SPATA31H1: variants seen among roughly 807,000 people sequenced by gnomAD.
SPATA31H1 encodes the protein spermatogenesis-associated protein 31H1.
chr2:27,545,816 G>T, the SPATA31H1 span, among the ~76,000 whole-genome samples: 1 of 151,724 alleles, frequency 6.6e-6, no homozygotes, highest in Admixed American at 6.6e-5. Flanking sequence ...GCCCCCCTCG[G>T]TCTCCCAAAG....
At chr2:27,565,061 A>G in the SPATA31H1 span, among the ~76,000 whole-genome samples, 1 of 151,998 alleles carries the variant, frequency 6.6e-6, no homozygotes, top group Non-Finnish European at 1.5e-5. Context: ...TCTTCACCTA[A>G]AAGTCTTGTG....
At chr2:27,577,452 A>AC in the SPATA31H1 span, 4 of 1,613,968 alleles carry the variant, frequency 2.5e-6, no homozygotes, top group Non-Finnish European at 3.4e-6. This position sits in a 1 kb window ranked among gnomAD's most constrained non-coding sequence, Gnocchi z 4.5. Context: ...CTTTGGAATG[A>AC]CCCCAAAGCC....
the SPATA31H1 span, chr2:27,571,895 C>T: frequency 7.5e-6 from 3 of 398,248 alleles, no homozygotes; most frequent in African/African-American, 6.2e-5. Context: ...TGGATTTAGC[C>T]CTAAAGCAAC....
chr2:27,581,665 C>T, the SPATA31H1 span: 31 of 1,613,328 alleles, frequency 1.9e-5, 1 homozygote, highest in South Asian at 2.2e-5. Context: ...CGCAGTCCCT[C>T]TCAGAGGAGC....
the SPATA31H1 span, chr2:27,577,965 C>T: frequency 6.2e-7 from 1 of 1,614,030 alleles, no homozygotes; most frequent in Non-Finnish European, 8.5e-7. This position sits in a 1 kb window ranked among gnomAD's most constrained non-coding sequence, Gnocchi z 4.5. Flanking sequence ...AGGGACAACC[C>T]CAGGACCACT....
At chr2:27,582,654 C>CT in the SPATA31H1 span, 3 of 938,504 alleles carry the variant, frequency 3.2e-6, no homozygotes, top group African/African-American at 1.7e-5. Flanking sequence ...CCATTTCTCT[C>CT]TACCGGGGGG....
chr2:27,550,261 C>A, the SPATA31H1 span, among the ~76,000 whole-genome samples: 2 of 149,808 alleles, frequency 1.3e-5, no homozygotes, highest in South Asian at 4.2e-4. Flanking sequence ...TGCAATAATT[C>A]ATCATTTATG....
the SPATA31H1 span, among the ~76,000 whole-genome samples, chr2:27,561,331 A>C: frequency 6.6e-6 from 1 of 152,178 alleles, no homozygotes; most frequent in East Asian, 1.9e-4. Flanking sequence ...CTGTCTCAAA[A>C]CAAAAAACTA....
At chr2:27,543,741 T>G in the SPATA31H1 span, among the ~76,000 whole-genome samples, 1 of 151,678 alleles carries the variant, frequency 6.6e-6, no homozygotes, top group Non-Finnish European at 1.5e-5. Context: ...GTCTCAGGGG[T>G]CTTTGCTAAG....
chr2:27,580,620 A>T, the SPATA31H1 span: 3 of 1,614,108 alleles, frequency 1.9e-6, no homozygotes, highest in East Asian at 6.7e-5. Context: ...ACCCAAGTTC[A>T]TGCAACTGCT....
the SPATA31H1 span, chr2:27,574,777 A>G: frequency 3.7e-4 from 146 of 398,474 alleles, 1 homozygote; most frequent in African/African-American, 2.7e-3. Flanking sequence ...GTGGAGTTCA[A>G]CTCGGGCCCA....
the SPATA31H1 span, chr2:27,579,966 TG>T: frequency 1.9e-6 from 3 of 1,614,164 alleles, no homozygotes; most frequent in Non-Finnish European, 2.5e-6. Flanking sequence ...AGGACTTAAT[TG>T]CCATCATAAA....
the SPATA31H1 span, chr2:27,582,217 A>G: frequency 6.2e-7 from 1 of 1,613,900 alleles, no homozygotes; most frequent in Non-Finnish European, 8.5e-7. Context: ...AGTCCCTCTG[A>G]GAGAAGCCAT....
the SPATA31H1 span, among the ~76,000 whole-genome samples, chr2:27,542,518 T>G: frequency 6.6e-6 from 1 of 152,030 alleles, no homozygotes; most frequent in Non-Finnish European, 1.5e-5. Flanking sequence ...TTTGATATAT[T>G]TGACAGATAT....
the SPATA31H1 span, chr2:27,569,656 T>G: frequency 2.5e-6 from 1 of 398,766 alleles, no homozygotes; most frequent in East Asian, 3.6e-5. Context: ...ATGAAACACA[T>G]GAATTTAATC....
the SPATA31H1 span, among the ~76,000 whole-genome samples, chr2:27,544,696 G>C: frequency 1.3e-5 from 2 of 151,442 alleles, no homozygotes; most frequent in African/African-American, 4.9e-5. Flanking sequence ...CACCATGCCT[G>C]GCTAACTTTT....
the SPATA31H1 span, among the ~76,000 whole-genome samples, chr2:27,543,663 AG>A: frequency 2.0e-5 from 3 of 151,938 alleles, no homozygotes; most frequent in South Asian, 6.2e-4. Context: ...CTTAAGCCAC[AG>A]GGATAGCTCT....
the SPATA31H1 span, chr2:27,577,167 C>T: frequency 6.2e-7 from 1 of 1,613,994 alleles, no homozygotes; most frequent in Non-Finnish European, 8.5e-7. This position sits in a 1 kb window ranked among gnomAD's most constrained non-coding sequence, Gnocchi z 4.5. Context: ...GCTGCTGCAG[C>T]CAGATCTTCA....
the SPATA31H1 span, among the ~76,000 whole-genome samples, chr2:27,540,725 C>G: frequency 3.3e-5 from 4 of 122,258 alleles, no homozygotes; most frequent in Admixed American, 7.7e-5. Context: ...TGCGGCCCAG[C>G]AGAGGCGCTC....
Sources: gnomAD v4.1 joint callset for allele counts (sites outside exome capture counted in the v4.1 genomes callset) on GRCh38, gnomAD v4.1.1 for gene constraint, Gnocchi (gnomAD v3.1) non-coding constraint, MANE v1.5 for transcripts, NCBI Gene and HGNC (gene_info 2026-07-23, HGNC 2026-07-21) for gene names.